CSMD1: variants seen among roughly 807,000 people sequenced by gnomAD.
The protein encoded by CSMD1 is CUB and Sushi multiple domains 1, also known as CUB and sushi domain-containing protein 1.
A neutral mutation model predicts 417.5 loss-of-function variants in CSMD1; 213 were observed. The ratio of observed to expected loss-of-function variants is 0.51; its 90% confidence interval spans 0.46 to 0.57. CSMD1 has a LOEUF of 0.57. Ranked by LOEUF, CSMD1 falls within the 20% of genes least tolerant of loss-of-function variation. The pLI is 0.00. For missense variants in CSMD1, 6,923 were observed against 4,529.7 expected (o/e 1.53, Z -15.17); for synonymous variants, 2,862 against 1,736.8 (o/e 1.65, Z -16.11).
chr8:3,749,008 A>G (rs1797190325), intron 6 of CSMD1, among the ~76,000 whole-genome samples: 1 of 152,224 alleles, frequency 6.6e-6, no homozygotes, highest in Non-Finnish European at 1.5e-5. Flanking sequence ...TGAAAATTGT[A>G]ATTTTATAAA....
intron 3 of CSMD1, among the ~76,000 whole-genome samples, chr8:4,314,607 AC>A (rs1257537753): frequency 5.1e-5 from 7 of 137,882 alleles, no homozygotes; most frequent in Admixed American, 2.1e-4. Flanking sequence ...ACATTTTCAC[AC>A]ACACACACAC....
At chr8:4,853,051 G>A (rs1203033762) in intron 1 of CSMD1, among the ~76,000 whole-genome samples, 2 of 152,194 alleles carry the variant, frequency 1.3e-5, no homozygotes, top group African/African-American at 4.8e-5. Context: ...TAAAAGGGAA[G>A]CAGAGCATAA....
intron 1 of CSMD1, among the ~76,000 whole-genome samples, chr8:4,837,233 T>C (rs1352386758): frequency 1.3e-5 from 2 of 152,130 alleles, no homozygotes; most frequent in African/African-American, 2.4e-5. Context: ...AGCTATCATA[T>C]CATCTAGTTG....
chr8:4,650,237 C>T (rs919685169), intron 1 of CSMD1, among the ~76,000 whole-genome samples: 4 of 148,898 alleles, frequency 2.7e-5, no homozygotes, highest in East Asian at 2.1e-4. Context: ...CCCAGCTACT[C>T]GGGAGGCTGA....
chr8:3,708,472 C>T lies in CSMD1; in HGVS notation c.951G>A (p.Leu317=), dbSNP rs372499305. 2.5e-6 allele frequency: 4 copies of T among 1,613,804 alleles called. 1 individual carries two copies. The South Asian group carries it at 3.3e-5, about 13-fold the overall frequency. ...GCAGCATCTTGACTCCTCTTGACTT[C>T]AACTCAATCGCCTTTTTCACTGGAA... The part of the protein sequence containing the change: ...AQFQVKKAIE[L]KSRGVKMLPS... Residue 317 remains leucine (L), a synonymous_variant, in exon 7 of 70, where the codon TTG becomes TTA. Transcript: ENST00000635120.
intron 7 of CSMD1, among the ~76,000 whole-genome samples, chr8:3,685,200 T>C (rs970658183): frequency 3.3e-5 from 5 of 152,198 alleles, no homozygotes; most frequent in African/African-American, 4.8e-5. Flanking sequence ...AGTTGCAAAA[T>C]TGAAGCCACT....
At chr8:3,604,092 C>T (rs547665256) in intron 8 of CSMD1, among the ~76,000 whole-genome samples, 9 of 152,248 alleles carry the variant, frequency 5.9e-5, no homozygotes, top group Non-Finnish European at 1.0e-4. Flanking sequence ...TGAATGCTTC[C>T]TTCGAAGCAG....
At chr8:3,060,437 C>T (rs1812518716) in intron 49 of CSMD1, among the ~76,000 whole-genome samples, 2 of 152,142 alleles carry the variant, frequency 1.3e-5, no homozygotes, top group Non-Finnish European at 2.9e-5. Context: ...GATCCACCCA[C>T]CTTCGTCTCA....
At chr8:4,563,124 G>C (rs779799730) in intron 2 of CSMD1, among the ~76,000 whole-genome samples, 14 of 152,056 alleles carry the variant, frequency 9.2e-5, no homozygotes, top group Non-Finnish European at 1.3e-4. Flanking sequence ...ACAATGGGCC[G>C]GGCACAGTGA....
intron 12 of CSMD1, among the ~76,000 whole-genome samples, chr8:3,427,319 A>G (rs1813911643): frequency 6.6e-6 from 1 of 152,188 alleles, no homozygotes; most frequent in Non-Finnish European, 1.5e-5. Context: ...TGCAAACTGA[A>G]GTCCTGGAAA....
chr8:4,378,177 G>A (rs1802875723), intron 3 of CSMD1, among the ~76,000 whole-genome samples: 1 of 152,146 alleles, frequency 6.6e-6, no homozygotes, highest in South Asian at 2.1e-4. Context: ...TCTAGATATT[G>A]CGACTCTAAT....
At chr8:4,007,720 G>C (rs1447000667) in intron 4 of CSMD1, among the ~76,000 whole-genome samples, 1 of 151,580 alleles carries the variant, frequency 6.6e-6, no homozygotes, top group Non-Finnish European at 1.5e-5. Flanking sequence ...AATGACTCTG[G>C]CTTTCCTACA....
intron 8 of CSMD1, among the ~76,000 whole-genome samples, chr8:3,595,496 G>C (rs895806095): frequency 9.9e-5 from 15 of 152,174 alleles, no homozygotes; most frequent in African/African-American, 3.6e-4. Flanking sequence ...GAACTCTCTA[G>C]CCTGAGGAAA....
intron 10 of CSMD1, among the ~76,000 whole-genome samples, chr8:3,512,663 T>C (rs1450753600): frequency 6.7e-6 from 1 of 150,314 alleles, no homozygotes; most frequent in African/African-American, 2.5e-5. Flanking sequence ...TGCACTGGCA[T>C]GATGACATGA....
At chr8:3,468,942 C>A (rs1457231497) in intron 11 of CSMD1, 118 bp from the exon 12 acceptor site, 3 of 617,500 alleles carry the variant, frequency 4.9e-6, no homozygotes, top group Non-Finnish European at 8.6e-6. Flanking sequence ...GGTAGCAAGA[C>A]CCTCTTTCAA....
At chr8:4,477,976 A>C (rs1419704524) in intron 2 of CSMD1, among the ~76,000 whole-genome samples, 1 of 152,154 alleles carries the variant, frequency 6.6e-6, no homozygotes, top group Non-Finnish European at 1.5e-5. Flanking sequence ...ATCCATTTCT[A>C]TCCATGCAGA....
intron 1 of CSMD1, among the ~76,000 whole-genome samples, chr8:4,790,980 G>T (rs1403859986): frequency 6.6e-6 from 1 of 152,154 alleles, no homozygotes; most frequent in Non-Finnish European, 1.5e-5. Context: ...AAATTGACAA[G>T]TGGGACCTAA....
chr8:2,980,818 G>A (rs1438482035), intron 54 of CSMD1, among the ~76,000 whole-genome samples: 1 of 152,168 alleles, frequency 6.6e-6, no homozygotes, highest in Non-Finnish European at 1.5e-5. Context: ...TTGCTTGGAG[G>A]ATGTGTATTA....
chr8:4,629,953 C>A (rs116068509), intron 2 of CSMD1, among the ~76,000 whole-genome samples: 1 of 151,966 alleles, frequency 6.6e-6, no homozygotes, highest in Non-Finnish European at 1.5e-5. Context: ...TCTAGCCAAC[C>A]GCAATATTTG....
Sources: gnomAD v4.1 joint callset for allele counts (sites outside exome capture counted in the v4.1 genomes callset) on GRCh38, gnomAD v4.1.1 for gene constraint, MANE v1.5 for transcripts, NCBI Gene and HGNC (gene_info 2026-07-23, HGNC 2026-07-21) for gene names.